Variants in TENM2 observed in about 807,000 individuals in gnomAD.
TENM2 encodes teneurin transmembrane protein 2, also known as teneurin-2.
TENM2 carries 52 observed loss-of-function variants against 245.2 expected under a neutral mutation model. The ratio of observed to expected loss-of-function variants is 0.21; its 90% confidence interval spans 0.17 to 0.27. TENM2 has a LOEUF of 0.27. Ranked by LOEUF, TENM2 falls within the 10% of genes least tolerant of loss-of-function variation. The pLI is 1.00. For missense variants in TENM2, 3,046 were observed against 3,666.8 expected (o/e 0.83, Z 4.37); for synonymous variants, 1,363 against 1,438.9 (o/e 0.95, Z 1.19).
At chr5:168,245,627 G>T (rs1031285904) in intron 26 of TENM2, among the ~76,000 whole-genome samples, 2 of 150,708 alleles carry the variant, frequency 1.3e-5, no homozygotes. Context: ...TTTGAAGGCT[G>T]CCCTGGCCAT....
chr5:167,017,884 G>T, the TENM2 span, among the ~76,000 whole-genome samples: 1 of 152,158 alleles, frequency 6.6e-6, no homozygotes, highest in African/African-American at 2.4e-5. Context: ...TCACGGACAT[G>T]CTGACTTGTT....
chr5:167,761,716 GT>G (rs1762682134), intron 2 of TENM2, among the ~76,000 whole-genome samples: 2 of 152,134 alleles, frequency 1.3e-5, no homozygotes, highest in South Asian at 2.1e-4. Flanking sequence ...CTAATGAGAA[GT>G]CACAGAATTC....
At chr5:168,162,750 T>C in exon 13 of TENM2, 2 of 1,613,900 alleles carry the variant, frequency 1.2e-6, no homozygotes, top group South Asian at 2.2e-5. Context: ...ACAAGGATAA[T>C]GAGGGAGGTG....
At chr5:167,849,949 T>C (rs1191605583) in intron 2 of TENM2, among the ~76,000 whole-genome samples, 4 of 152,152 alleles carry the variant, frequency 2.6e-5, no homozygotes, top group African/African-American at 7.2e-5. Context: ...CGTTTTGTTT[T>C]TTATGGAGGC....
chr5:167,767,624 A>G (rs545140554), intron 2 of TENM2, among the ~76,000 whole-genome samples: 7 of 152,240 alleles, frequency 4.6e-5, no homozygotes, highest in Non-Finnish European at 1.0e-4. Flanking sequence ...GCAAAAGAAT[A>G]ATAGGGAAAA....
At chr5:168,217,649 T>C (rs1283485196) in intron 22 of TENM2, among the ~76,000 whole-genome samples, 1 of 152,214 alleles carries the variant, frequency 6.6e-6, no homozygotes, top group Non-Finnish European at 1.5e-5. Flanking sequence ...GAGCCTGCAC[T>C]TTGGCTCCCC....
intron 1 of TENM2, among the ~76,000 whole-genome samples, chr5:167,303,955 T>G (rs749275762): frequency 1.3e-5 from 2 of 152,164 alleles, no homozygotes; most frequent in African/African-American, 2.4e-5. Flanking sequence ...AATCTGGATT[T>G]ATTTTTATAT....
intron 1 of TENM2, among the ~76,000 whole-genome samples, chr5:167,310,584 T>G (rs1755972274): frequency 6.6e-6 from 1 of 152,190 alleles, no homozygotes. Context: ...GTAACTCCTG[T>G]GTAGGAGGTT....
At chr5:167,584,187 A>T (rs1030812702) in intron 2 of TENM2, among the ~76,000 whole-genome samples, 1 of 152,250 alleles carries the variant, frequency 6.6e-6, no homozygotes, top group Non-Finnish European at 1.5e-5. Context: ...GCAGTGAAAG[A>T]ATGAAGCAAT....
chr5:167,871,741 G>T (rs1013779214), intron 2 of TENM2, among the ~76,000 whole-genome samples: 1 of 152,144 alleles, frequency 6.6e-6, no homozygotes, highest in African/African-American at 2.4e-5. Flanking sequence ...TTTCAACATA[G>T]TTGGAGAGTC....
At chr5:168,134,457 G>A (rs187862906) in intron 12 of TENM2, among the ~76,000 whole-genome samples, 5 of 152,008 alleles carry the variant, frequency 3.3e-5, no homozygotes, top group Admixed American at 6.5e-5. Flanking sequence ...AGGCCGAGGC[G>A]GGTGGATCGC....
chr5:167,698,756 T>A (rs2150431274), intron 2 of TENM2, among the ~76,000 whole-genome samples: 1 of 147,150 alleles, frequency 6.8e-6, no homozygotes, highest in African/African-American at 2.5e-5. Context: ...CGATCTCTGC[T>A]CACTGCCAGC....
chr5:167,128,104 C>T, the TENM2 span, among the ~76,000 whole-genome samples: 9 of 152,190 alleles, frequency 5.9e-5, no homozygotes, highest in South Asian at 1.7e-3. Context: ...CCTGTGCCTG[C>T]GAATCCTTAT....
intron 7 of TENM2, among the ~76,000 whole-genome samples, chr5:168,074,055 T>C (rs968106314): frequency 2.0e-5 from 3 of 152,194 alleles, no homozygotes; most frequent in Non-Finnish European, 4.4e-5. Context: ...TGGCCCAGCC[T>C]CGTTACTGTT....
At chr5:167,031,091 A>C in the TENM2 span, among the ~76,000 whole-genome samples, 1 of 152,184 alleles carries the variant, frequency 6.6e-6, no homozygotes, top group African/African-American at 2.4e-5. Context: ...GTTCCCCAGA[A>C]AGACATTTGG....
chr5:167,810,131 A>G (rs1267287861), intron 2 of TENM2, among the ~76,000 whole-genome samples: 2 of 152,170 alleles, frequency 1.3e-5, no homozygotes, highest in Non-Finnish European at 2.9e-5. Context: ...CAAACAGCTC[A>G]CAGCTCCTAG....
In TENM2 at chr5:168,260,507, A is replaced by G. The variant is rs988949211; in HGVS notation, c.7563+94A>G. On this transcript the variant is annotated intron_variant, in intron 28 of 28. Transcript: ENST00000518659. ...GGAGCCAGGGGCATGTCAGCGCAGG[A>G]AAACATTGGAGCTGGGTATAAAAGG... The G allele has an allele frequency of 1.1e-5, 16 of 1,447,642 alleles. No individual in the cohort carries two copies. The African/African-American group carries it at 2.1e-4, about 19-fold the overall frequency. The allele number at this position is 1,447,642 out of a possible 1,614,324, so 89.7% of individuals were successfully genotyped here.
the TENM2 span, among the ~76,000 whole-genome samples, chr5:167,155,533 A>G: frequency 2.0e-5 from 3 of 152,160 alleles, no homozygotes; most frequent in African/African-American, 7.2e-5. Flanking sequence ...CGATGTAGCG[A>G]ACAGCAGGAC....
intron 12 of TENM2, among the ~76,000 whole-genome samples, chr5:168,158,850 T>TATATATATATATACACAC (rs1339051385): frequency 7.2e-4 from 45 of 62,310 alleles, no homozygotes; most frequent in East Asian, 1.3e-3. Context: ...TATATATATA[T>TATATATATATATACACAC]ACACACACAC....
Sources: allele counts gnomAD v4.1 joint callset (sites outside exome capture counted in the v4.1 genomes callset), GRCh38; gene constraint gnomAD v4.1.1; transcripts MANE v1.5; gene names NCBI Gene and HGNC (gene_info 2026-07-23, HGNC 2026-07-21).